MTMR10: variants seen among roughly 807,000 people sequenced by gnomAD.
MTMR10 encodes the protein myotubularin related protein 10.
Under a neutral mutation model 88.1 loss-of-function variants are expected in MTMR10, and 56 were observed. The observed-to-expected ratio is 0.64, with a 90% CI of 0.51 to 0.79. MTMR10 has a LOEUF of 0.79. Ranked by LOEUF, MTMR10 falls within the 30% of genes least tolerant of loss-of-function variation. The pLI, the probability that MTMR10 is intolerant of heterozygous loss-of-function variation, is 0.00. For missense variants in MTMR10, 883 were observed against 924.7 expected (o/e 0.95, Z 0.58); for synonymous variants, 380 against 340.9 (o/e 1.11, Z -1.26).
At chr15:30,955,510 T>C (rs2063313054) in intron 9 of MTMR10, among the ~76,000 whole-genome samples, 2 of 152,096 alleles carry the variant, frequency 1.3e-5, no homozygotes, top group Admixed American at 6.5e-5. Context: ...GACCTTGTGA[T>C]TCACCCCCCT....
the MTMR10 span, among the ~76,000 whole-genome samples, chr15:30,933,305 C>A: frequency 3.9e-5 from 6 of 152,286 alleles, no homozygotes; most frequent in Admixed American, 3.9e-4. Context: ...CTGAACCTCA[C>A]AAATTTAGTA....
chr15:30,928,321 T>A, the MTMR10 span: 6 of 1,297,738 alleles, frequency 4.6e-6, no homozygotes, highest in Middle Eastern at 5.9e-4. Context: ...CATTTGAATT[T>A]TTCTATGATT....
At chr15:30,953,444 G>C (rs1210168923) in intron 11 of MTMR10, 118 bp downstream of exon 11, 2 of 722,690 alleles carry the variant, frequency 2.8e-6, no homozygotes, top group African/African-American at 1.8e-5. Context: ...TGTTACTATT[G>C]GGGGAAGTTG....
At chr15:30,977,753 C>G (rs548204874) in intron 2 of MTMR10, among the ~76,000 whole-genome samples, 2 of 152,184 alleles carry the variant, frequency 1.3e-5, no homozygotes, top group Non-Finnish European at 2.9e-5. Flanking sequence ...AGAATGTTTG[C>G]TGACAAACTC....
At position 30,940,611 on chromosome 15, in the gene MTMR10, C is replaced by G. The variant is rs2063012598; in HGVS notation, c.*859G>C. The G allele has an allele frequency of 1.0e-6, 1 of 985,364 alleles. No homozygotes were observed. Among genetic ancestry groups the G allele is most frequent in the Non-Finnish European group, 1.2e-6 (1 of 830,034 alleles). 61.0% of individuals were successfully genotyped at this position (985,364 alleles called of 1,614,324 possible). On this transcript the variant is annotated 3_prime_UTR_variant, in exon 16 of 16. Transcript: ENST00000435680. ...TGAGGGCGAGTTTTGGCATAGATGG[C>G]ACTCTCCTGTCTACAGCATACACCT...
chr15:30,948,566 C>T (rs2063202836), intron 12 of MTMR10, 95 bp from the exon 13 acceptor site: 13 of 1,272,316 alleles, frequency 1.0e-5, no homozygotes, highest in Non-Finnish European at 1.4e-5. Flanking sequence ...GTATTCTGCA[C>T]ACCTAGGCTG....
At chr15:30,979,575 TAAAC>T (rs1366323081) in intron 2 of MTMR10, among the ~76,000 whole-genome samples, 2 of 151,976 alleles carry the variant, frequency 1.3e-5, no homozygotes, top group Admixed American at 6.6e-5. Flanking sequence ...AAAAATCACT[TAAAC>T]AAACAAACTA....
In MTMR10 at chr15:30,960,881, C is replaced by G. The variant is rs1435408741; in HGVS notation, c.758G>C (p.Cys253Ser). ...SINEGYMIST[C>S]LPEYIVVPSS... The stretch of plus-strand genomic sequence containing the variant: ...ATAACATTGCTAAAATTGTACTTAC[C>G]AAGTGGATATCATGTAACCCTCGTT... The change falls in exon 7 of 16, where the codon TGC becomes TCC. Residue 253 changes from cysteine to serine, a missense_variant and splice_region_variant. Around this residue, in one of 3 missense-constraint regions of MTMR10, gnomAD observed 414 missense variants for 423.2 expected, o/e 0.98. Coordinates refer to ENST00000435680, the MANE Select transcript of MTMR10 (RefSeq NM_017762.3). The G allele has an allele frequency of 1.3e-6, 2 of 1,590,134 alleles. No homozygotes were observed.
chr15:30,957,762 A>C (rs945238903), intron 9 of MTMR10, among the ~76,000 whole-genome samples: 1 of 152,168 alleles, frequency 6.6e-6, no homozygotes, highest in Admixed American at 6.5e-5. Context: ...TTCCCAGATG[A>C]GTGCAAAGAA....
Position 30,939,255 on chromosome 15 carries a change from T to G in MTMR10, c.*2215A>C. On this transcript the variant is annotated 3_prime_UTR_variant, in exon 16 of 16. Coordinates refer to ENST00000435680, the MANE Select transcript of MTMR10 (RefSeq NM_017762.3). ...CCATCATAAAATAACAGCAAGACACTGTACACCTTTACGTTCAATACTAGA... is the reference window on the plus strand; with the variant it reads ...CCATCATAAAATAACAGCAAGACACGGTACACCTTTACGTTCAATACTAGA... 2 of 985,476 alleles carry G rather than the reference T, an allele frequency of 2.0e-6. No individual in the cohort carries two copies. The highest frequency in any genetic ancestry group is 2.4e-6 in the Non-Finnish European group (2 of 829,934). 61.0% of individuals were successfully genotyped at this position (985,476 alleles called of 1,614,324 possible). A position where few individuals can be genotyped will look rare whatever the true frequency, so the allele number is the denominator to read the frequency against.
intron 9 of MTMR10, among the ~76,000 whole-genome samples, chr15:30,955,190 A>G (rs2063305239): frequency 6.6e-6 from 1 of 152,150 alleles, no homozygotes; most frequent in Non-Finnish European, 1.5e-5. Context: ...TCTCCCACCC[A>G]TCTGGCTTTG....
downstream of MTMR10, chr15:30,937,307 G>A: frequency 6.5e-7 from 1 of 1,546,058 alleles, no homozygotes; most frequent in African/African-American, 1.4e-5. Context: ...AGATTTTCAA[G>A]AGTATAAAAC....
rs182186486 is a variant in MTMR10, at chr15:30,976,033, T to C, written c.258+786A>G. 7.9e-5 allele frequency among the ~76,000 whole-genome samples: 12 copies of C among 152,172 alleles called. No homozygotes were observed. The East Asian group carries it at 1.7e-3, about 22-fold the overall frequency. The stretch of plus-strand genomic sequence containing the variant: ...ATAGCAAGAGGGCTACTGAAAATTT[T>C]TAAATCGATACTATTCTTCACTCTT... On this transcript the variant is annotated intron_variant, in intron 3 of 15. Transcript: ENST00000435680.
the MTMR10 span, among the ~76,000 whole-genome samples, chr15:30,932,255 T>C: frequency 6.6e-6 from 1 of 150,688 alleles, no homozygotes; most frequent in Non-Finnish European, 1.5e-5. Context: ...CAGCTGAGAT[T>C]TTAATTGGAA....
At chr15:30,984,017 G>A (rs2030767322) in intron 2 of MTMR10, among the ~76,000 whole-genome samples, 1 of 152,144 alleles carries the variant, frequency 6.6e-6, no homozygotes, top group Non-Finnish European at 1.5e-5. Flanking sequence ...AGTAGAGAAT[G>A]TGTGATAATA....
the MTMR10 span, among the ~76,000 whole-genome samples, chr15:30,933,461 T>G: frequency 3.9e-5 from 6 of 152,240 alleles, no homozygotes; most frequent in Non-Finnish European, 5.9e-5. Context: ...GATTTGTAAT[T>G]TAACTCCATT....
At chr15:30,923,631 G>T in the MTMR10 span, among the ~76,000 whole-genome samples, 1 of 152,162 alleles carries the variant, frequency 6.6e-6, no homozygotes, top group Non-Finnish European at 1.5e-5. Flanking sequence ...GCCTGGCCAG[G>T]GCAGAGGTGG....
At chr15:30,936,501 C>T (rs1479045245), downstream of MTMR10, among the ~76,000 whole-genome samples, 1 of 152,178 alleles carries the variant, frequency 6.6e-6, no homozygotes, top group Non-Finnish European at 1.5e-5. Context: ...TTTTCATTTG[C>T]TATACTAAGA....
the MTMR10 span, among the ~76,000 whole-genome samples, chr15:30,929,596 T>C: frequency 8.4e-4 from 105 of 124,766 alleles, no homozygotes; most frequent in African/African-American, 3.1e-3. Context: ...ATATATTATA[T>C]ATTACATATT....
Sources: allele counts gnomAD v4.1 joint callset (sites outside exome capture counted in the v4.1 genomes callset), GRCh38; gene constraint gnomAD v4.1.1; regional missense constraint gnomAD v4.1.1; transcripts MANE v1.5; gene names NCBI Gene and HGNC (gene_info 2026-07-23, HGNC 2026-07-21).